Variants in ARHGAP35 observed in about 807,000 individuals in gnomAD.
ARHGAP35 encodes rho GTPase-activating protein 35.
A neutral mutation model predicts 111.1 loss-of-function variants in ARHGAP35; 15 were observed. The observed-to-expected ratio is 0.13, with a 90% CI of 0.09 to 0.21. The LOEUF (loss-of-function observed/expected upper bound fraction) is 0.21. ARHGAP35 is among the 10% of genes least tolerant of loss of function. The pLI, the probability that ARHGAP35 is intolerant of heterozygous loss-of-function variation, is 1.00. For synonymous variants in ARHGAP35, 643 were observed against 710.3 expected, an observed-to-expected ratio of 0.91 and a Z score of 1.51; for missense variants, 1,262 against 1,873.0, an observed-to-expected ratio of 0.67 and a Z score of 6.02.
At chr19:46,961,184 C>T (rs1330421575) in intron 3 of ARHGAP35, among the ~76,000 whole-genome samples, 1 of 152,154 alleles carries the variant, frequency 6.6e-6, no homozygotes, top group East Asian at 1.9e-4. Context: ...CATGAGCTGC[C>T]GCGCCCAGCC....
chr19:46,905,877 G>A (rs2122174400), intron 1 of ARHGAP35, among the ~76,000 whole-genome samples: 1 of 151,906 alleles, frequency 6.6e-6, no homozygotes, highest in South Asian at 2.1e-4. Context: ...GTAGAGATGG[G>A]GTTTCACCAT....
intron 5 of ARHGAP35, among the ~76,000 whole-genome samples, chr19:46,991,522 C>T (rs988611829): frequency 1.3e-5 from 2 of 152,216 alleles, no homozygotes; most frequent in Non-Finnish European, 2.9e-5. Flanking sequence ...GGCTTCTGGC[C>T]GCTGCTACTG....
At chr19:46,916,312 C>T (rs1300452828) in intron 1 of ARHGAP35, among the ~76,000 whole-genome samples, 1 of 152,046 alleles carries the variant, frequency 6.6e-6, no homozygotes, top group African/African-American at 2.4e-5. Flanking sequence ...TTTCCCCACA[C>T]ACACTTTGTT....
At chr19:46,888,264 A>T (rs1405964461) in intron 1 of ARHGAP35, among the ~76,000 whole-genome samples, 2 of 924 alleles carry the variant, frequency 2.2e-3, no homozygotes, top group African/African-American at 5.6e-3. Context: ...AATCAATAAT[A>T]TATATATATA....
chr19:46,916,233 G>A (rs760528702), intron 1 of ARHGAP35, among the ~76,000 whole-genome samples: 1 of 151,810 alleles, frequency 6.6e-6, no homozygotes, highest in Non-Finnish European at 1.5e-5. Flanking sequence ...CGCGCCCAGC[G>A]AAGGAATCCA....
chr19:46,937,193 C>G, intron 2 of ARHGAP35, 71 bp from the exon 3 acceptor site: 1 of 1,563,386 alleles, frequency 6.4e-7, no homozygotes. Flanking sequence ...CTTCTGGAAG[C>G]CTTACTGATG....
At position 47,000,650 on chromosome 19, in the gene ARHGAP35, C is replaced by T. The variant is rs746194324; in HGVS notation, c.4462C>T (p.Leu1488=). 16 of 1,602,546 alleles carry T rather than the reference C, an allele frequency of 1.0e-5. No individual in the cohort carries two copies. The highest frequency in any genetic ancestry group is 1.4e-5 in the Non-Finnish European group (16 of 1,173,854). The change falls in exon 7 of 7, where the codon CTG becomes TTG. Residue 1488 remains leucine, a synonymous_variant. Coordinates refer to ENST00000672722, the MANE Select transcript of ARHGAP35 (RefSeq NM_004491.5). The surrounding 1 kb of genome is among the most constrained non-coding windows in gnomAD (Gnocchi z 6.9). ...PPTPQSPMQP[L]LPSQLQAEHT... Reference sequence around the variant, plus strand: ...CACCCCCCAGTCCCCAATGCAGCCACTGCTTCCCTCCCAGCTTCAAGCCGA... The same window carrying T: ...CACCCCCCAGTCCCCAATGCAGCCATTGCTTCCCTCCCAGCTTCAAGCCGA...
chr19:46,991,057 C>G (rs2056676751), intron 5 of ARHGAP35, among the ~76,000 whole-genome samples: 1 of 152,124 alleles, frequency 6.6e-6, no homozygotes, highest in South Asian at 2.1e-4. Flanking sequence ...AGACGGGAGT[C>G]AGGGTTTCTC....
intron 1 of ARHGAP35, among the ~76,000 whole-genome samples, chr19:46,867,451 C>A (rs551035380): frequency 6.6e-6 from 1 of 152,282 alleles, no homozygotes; most frequent in South Asian, 2.1e-4. Flanking sequence ...ATTGAAGAAA[C>A]CTGGGTCCTA....
At chr19:46,998,799 C>T (rs1317621248) in intron 5 of ARHGAP35, among the ~76,000 whole-genome samples, 1 of 152,222 alleles carries the variant, frequency 6.6e-6, no homozygotes, top group East Asian at 1.9e-4. Context: ...TTTCCATCAG[C>T]CCCTCCAACG....
chr19:46,869,476 T>TTGTGTGTG (rs36048282), intron 1 of ARHGAP35, among the ~76,000 whole-genome samples: 1,677 of 144,274 alleles, frequency 0.012, 37 homozygotes, highest in African/African-American at 0.035. Context: ...AGAAAAAAAA[T>TTGTGTGTG]TGTGTGTGTG....
chr19:46,892,103 T>C (rs1461636635), intron 1 of ARHGAP35, among the ~76,000 whole-genome samples: 1 of 127,294 alleles, frequency 7.9e-6, no homozygotes, highest in Non-Finnish European at 1.6e-5. Context: ...CTGGCCAACG[T>C]AGTGAAACCC....
intron 1 of ARHGAP35, among the ~76,000 whole-genome samples, chr19:46,915,323 A>G (rs981852374): frequency 6.6e-6 from 1 of 152,224 alleles, no homozygotes. Context: ...CTTTAGGAAC[A>G]TGCCATTATC....
chr19:46,899,706 A>G (rs1207132005), intron 1 of ARHGAP35, among the ~76,000 whole-genome samples: 1 of 151,572 alleles, frequency 6.6e-6, no homozygotes, highest in Non-Finnish European at 1.5e-5. Flanking sequence ...TACAAAAAAA[A>G]ACAAAAACAA....
chr19:46,892,806 G>A (rs1029069799), intron 1 of ARHGAP35, among the ~76,000 whole-genome samples: 3 of 152,064 alleles, frequency 2.0e-5, no homozygotes, highest in Admixed American at 6.6e-5. Flanking sequence ...TCTCTGCACT[G>A]TACCTTGCAA....
intron 1 of ARHGAP35, among the ~76,000 whole-genome samples, chr19:46,892,530 G>C (rs2056030645): frequency 1.3e-5 from 2 of 151,106 alleles, no homozygotes; most frequent in Non-Finnish European, 2.9e-5. Flanking sequence ...AGCCACAGTT[G>C]GTACCTTTGA....
chr19:46,949,533 G>T (rs1015910147), intron 3 of ARHGAP35, among the ~76,000 whole-genome samples: 4 of 152,118 alleles, frequency 2.6e-5, no homozygotes, highest in Admixed American at 6.5e-5. Context: ...AAAACAAGTG[G>T]CCTGAACTCA....
At chr19:46,884,613 C>T (rs2055983806) in intron 1 of ARHGAP35, among the ~76,000 whole-genome samples, 1 of 150,138 alleles carries the variant, frequency 6.7e-6, no homozygotes, top group Non-Finnish European at 1.5e-5. Flanking sequence ...TGATCCATCT[C>T]AGTGTCCCTA....
chr19:46,970,657 C>T (rs2056541650), intron 3 of ARHGAP35, among the ~76,000 whole-genome samples: 1 of 152,106 alleles, frequency 6.6e-6, no homozygotes, highest in South Asian at 2.1e-4. Context: ...GGAAACTATA[C>T]CACTGATCGA....
Sources: gnomAD v4.1 joint callset for allele counts (sites outside exome capture counted in the v4.1 genomes callset) on GRCh38, gnomAD v4.1.1 for gene constraint, Gnocchi (gnomAD v3.1) non-coding constraint, MANE v1.5 for transcripts, NCBI Gene and HGNC (gene_info 2026-07-23, HGNC 2026-07-21) for gene names.